DOP1B: variants seen among roughly 807,000 people sequenced by gnomAD.
DOP1B encodes the protein DOP1 leucine zipper like protein B.
Under a neutral mutation model 233.5 loss-of-function variants are expected in DOP1B, and 174 were observed. The ratio of observed to expected loss-of-function variants is 0.75; its 90% CI spans 0.66 to 0.85. The LOEUF (loss-of-function observed/expected upper bound fraction) is 0.85, where lower values mean the gene tolerates loss of function less well. Ranked by LOEUF, DOP1B falls within the 40% of genes least tolerant of loss-of-function variation. The pLI is 0.00. For missense variants in DOP1B, 2,652 were observed against 2,846.6 expected (o/e 0.93, Z 1.56); for synonymous variants, 1,190 against 1,185.6 (o/e 1.00, Z -0.08).
chr21:36,198,254 C>G (rs931947736), intron 2 of DOP1B, among the ~76,000 whole-genome samples: 5 of 151,688 alleles, frequency 3.3e-5, no homozygotes, highest in Admixed American at 6.6e-5. Context: ...GCGGTGAAAC[C>G]CTTTCTCTAC....
intron 2 of DOP1B, among the ~76,000 whole-genome samples, chr21:36,192,750 C>T (rs1210809688): frequency 6.0e-5 from 9 of 151,196 alleles, no homozygotes; most frequent in South Asian, 2.1e-4. Context: ...TGCAGTGGCA[C>T]GATCTCGGCT....
At chr21:36,263,148 C>T (rs1327772389) in intron 24 of DOP1B, among the ~76,000 whole-genome samples, 2 of 149,172 alleles carry the variant, frequency 1.3e-5, no homozygotes, top group Non-Finnish European at 3.0e-5. Context: ...GCAGGAGAAT[C>T]GCTTGAACCT....
At chr21:36,163,330 G>GT (rs1417755140) in intron 1 of DOP1B, among the ~76,000 whole-genome samples, 3 of 130,144 alleles carry the variant, frequency 2.3e-5, no homozygotes, top group African/African-American at 8.5e-5. Flanking sequence ...GTCAACAAGA[G>GT]TGAGACTCTG....
At chr21:36,225,749 A>G (rs952003811) in intron 12 of DOP1B, 82 bp downstream of exon 12, 2 of 1,360,682 alleles carry the variant, frequency 1.5e-6, no homozygotes, top group Non-Finnish European at 1.0e-6. Context: ...TATCAACCTC[A>G]CATTACTGAA....
intron 2 of DOP1B, among the ~76,000 whole-genome samples, chr21:36,176,087 G>GGTGT (rs1032491278): frequency 3.1e-5 from 3 of 96,534 alleles, no homozygotes; most frequent in African/African-American, 1.1e-4. Context: ...TCGACTTTGG[G>GGTGT]GTGTGTGTGC....
At chr21:36,256,840 G>A (rs748630286) in intron 23 of DOP1B, among the ~76,000 whole-genome samples, 10 of 151,942 alleles carry the variant, frequency 6.6e-5, no homozygotes, top group African/African-American at 2.2e-4. Context: ...CCAAATATGC[G>A]GGGAGTTCTC....
intron 4 of DOP1B, among the ~76,000 whole-genome samples, chr21:36,203,212 T>C (rs2066389787): frequency 6.6e-6 from 1 of 152,226 alleles, no homozygotes; most frequent in Non-Finnish European, 1.5e-5. Flanking sequence ...CGAATCTATT[T>C]AGCTGTGACA....
intron 12 of DOP1B, among the ~76,000 whole-genome samples, chr21:36,227,479 T>TTGCAGTGAGCCGAGATCGAGGCG (rs2066705210): frequency 2.7e-5 from 4 of 147,830 alleles, no homozygotes; most frequent in Non-Finnish European, 6.0e-5. Context: ...CCCGGGAGGC[T>TTGCAGTGAGCCGAGATCGAGGCG]GAGCTTGCAG....
At chr21:36,256,773 A>C (rs1015618129) in intron 23 of DOP1B, among the ~76,000 whole-genome samples, 5 of 152,200 alleles carry the variant, frequency 3.3e-5, no homozygotes, top group Admixed American at 6.5e-5. Flanking sequence ...GGAAAAAAAA[A>C]AACAACTGTG....
chr21:36,265,182 G>A (rs2067217682), intron 26 of DOP1B, among the ~76,000 whole-genome samples: 1 of 152,192 alleles, frequency 6.6e-6, no homozygotes, highest in Admixed American at 6.5e-5. Flanking sequence ...GATCACCTGA[G>A]GTCAGGGGTT....
chr21:36,169,892 A>G (rs2065956191), intron 2 of DOP1B: 1 of 791,856 alleles, frequency 1.3e-6, no homozygotes, highest in Non-Finnish European at 2.3e-6. Flanking sequence ...CGGAGGCCTC[A>G]AGGGGTTTCC....
chr21:36,228,048 G>A (rs998287933), intron 13 of DOP1B, among the ~76,000 whole-genome samples, 171 bp downstream of exon 13: 8 of 152,124 alleles, frequency 5.3e-5, no homozygotes, highest in Non-Finnish European at 7.3e-5. Flanking sequence ...TTAGCACCTG[G>A]CATGGTACAA....
At chr21:36,211,939 T>C in intron 6 of DOP1B, 35 bp from the exon 7 acceptor site, 1 of 1,613,226 alleles carries the variant, frequency 6.2e-7, no homozygotes, top group Non-Finnish European at 8.5e-7. Context: ...TGCCCTATCA[T>C]TCCCTTGCAG....
rs965450880 is a variant in DOP1B at position 36,226,976 on chromosome 21, T to C, written c.1474-710T>C. 7.3e-4 allele frequency among the ~76,000 whole-genome samples: 111 copies of C among 151,930 alleles called. 1 individual carries two copies. Among genetic ancestry groups the C allele is most frequent in the Non-Finnish European group, 4.1e-4 (28 of 67,964 alleles). On this transcript the variant is annotated intron_variant, in intron 12 of 36. Coordinates refer to ENST00000691173, the MANE Select transcript of DOP1B (RefSeq NM_001320714.2). ...ATCCCAGCACTTTGGGAGGCCGAGG[T>C]GGGCGGATCACAAGGTCAGGAGATT...
rs148564743 is a variant in DOP1B, at chr21:36,215,462, G to A, written c.1129+906G>A. Among the ~76,000 whole-genome samples, 1,137 of 152,042 alleles carry A rather than the reference G, an allele frequency of 7.5e-3. 21 individuals are homozygous for A. The highest frequency in any genetic ancestry group is 0.026 in the African/African-American group (1,073 of 41,526). ...GTTGCCCAGGCTGGAGTGCAGTGGC[G>A]CAATCTCGGCTCACTAAAACCTCTG... On this transcript the variant is annotated intron_variant, in intron 9 of 36. Coordinates refer to ENST00000691173, the MANE Select transcript of DOP1B (RefSeq NM_001320714.2).
chr21:36,173,951 A>T (rs1471121456), intron 2 of DOP1B, among the ~76,000 whole-genome samples: 1 of 151,876 alleles, frequency 6.6e-6, no homozygotes, highest in Non-Finnish European at 1.5e-5. Flanking sequence ...CTGATGACAC[A>T]CTACGGTTTC....
intron 32 of DOP1B, among the ~76,000 whole-genome samples, chr21:36,286,067 C>T (rs1351367681): frequency 1.3e-5 from 2 of 151,716 alleles, no homozygotes; most frequent in Non-Finnish European, 2.9e-5. Context: ...CCTGGGATAC[C>T]GTTTGGGGTC....
intron 35 of DOP1B, among the ~76,000 whole-genome samples, chr21:36,289,968 T>G (rs995396988): frequency 5.3e-5 from 8 of 152,192 alleles, no homozygotes; most frequent in Admixed American, 5.2e-4. Flanking sequence ...GCTATAATGG[T>G]AGATCCATGT....
At chr21:36,265,294 G>T (rs943308732) in intron 26 of DOP1B, among the ~76,000 whole-genome samples, 1 of 152,206 alleles carries the variant, frequency 6.6e-6, no homozygotes, top group Non-Finnish European at 1.5e-5. Flanking sequence ...TACTCAGGAG[G>T]CTGAGGCAGG....
Sources: gnomAD v4.1 joint callset for allele counts (sites outside exome capture counted in the v4.1 genomes callset) on GRCh38, gnomAD v4.1.1 for gene constraint, MANE v1.5 for transcripts, NCBI Gene and HGNC (gene_info 2026-07-23, HGNC 2026-07-21) for gene names.